Variants in ANK2 observed in about 807,000 individuals in gnomAD.
ANK2 encodes the protein ankyrin 2.
ANK2 carries 83 observed loss-of-function variants against 360.5 expected under a neutral mutation model. The observed-to-expected ratio is 0.23, with a 90% confidence interval of 0.19 to 0.28. The LOEUF is 0.28. ANK2 is among the 10% of genes least tolerant of loss of function. ANK2 has a pLI of 1.00. For synonymous variants in ANK2, 1,740 were observed against 1,759.5 expected (o/e 0.99, Z 0.28); for missense variants, 4,201 against 4,795.7 (o/e 0.88, Z 3.66).
chr4:112,877,012 C>T (rs751458543), intron 1 of ANK2, among the ~76,000 whole-genome samples: 26 of 152,176 alleles, frequency 1.7e-4, no homozygotes, highest in Non-Finnish European at 5.9e-5. Context: ...GAGCAGATGA[C>T]TTTCTCCCCC....
intron 2 of ANK2, among the ~76,000 whole-genome samples, chr4:113,040,471 C>T (rs2062682719): frequency 1.3e-5 from 2 of 151,916 alleles, no homozygotes; most frequent in Non-Finnish European, 2.9e-5. Flanking sequence ...CAAGCAGGTC[C>T]CTAAACAATT....
chr4:112,798,095 T>A, the ANK2 span: 1 of 155,874 alleles, frequency 6.4e-6, no homozygotes, highest in East Asian at 1.9e-4. Context: ...AAAGTTTCTT[T>A]TGGTCCCTGG....
chr4:112,806,768 T>C, the ANK2 span, among the ~76,000 whole-genome samples: 1 of 152,106 alleles, frequency 6.6e-6, no homozygotes, highest in Non-Finnish European at 1.5e-5. Context: ...GAGGCTGAGG[T>C]TGCAGTGAGC....
chr4:112,833,253 G>A (rs542807676), intron 1 of ANK2, among the ~76,000 whole-genome samples: 1 of 152,320 alleles, frequency 6.6e-6, no homozygotes, highest in Non-Finnish European at 1.5e-5. Context: ...GAAATAATAC[G>A]CTGAAATGCC....
intron 14 of ANK2, among the ~76,000 whole-genome samples, chr4:113,267,927 GA>G (rs2153666128): frequency 6.6e-6 from 1 of 152,168 alleles, no homozygotes; most frequent in Admixed American, 6.5e-5. Flanking sequence ...TTATTTCCTT[GA>G]GCAGTGGTCT....
At chr4:112,937,175 C>G (rs927063681) in intron 2 of ANK2, among the ~76,000 whole-genome samples, 2 of 152,060 alleles carry the variant, frequency 1.3e-5, no homozygotes, top group Non-Finnish European at 2.9e-5. Context: ...AGTATCCTAG[C>G]AGGGGATCGA....
At chr4:112,891,670 A>G (rs749989063) in intron 1 of ANK2, among the ~76,000 whole-genome samples, 2 of 152,182 alleles carry the variant, frequency 1.3e-5, no homozygotes, top group Non-Finnish European at 2.9e-5. Flanking sequence ...TTCCCTGTAT[A>G]TAAAATAAAA....
intron 1 of ANK2, among the ~76,000 whole-genome samples, chr4:113,132,249 T>C (rs1288972392): frequency 6.6e-6 from 1 of 152,170 alleles, no homozygotes; most frequent in Admixed American, 6.5e-5. Flanking sequence ...GACATATTTA[T>C]CTGTATTCTA....
chr4:112,772,282 A>G, the ANK2 span, among the ~76,000 whole-genome samples: 16 of 152,336 alleles, frequency 1.1e-4, no homozygotes, highest in East Asian at 2.9e-3. Flanking sequence ...ACCAAGTGAA[A>G]TAAGTTTCCC....
At chr4:112,921,057 T>G (rs2091350543) in intron 2 of ANK2, among the ~76,000 whole-genome samples, 1 of 150,734 alleles carries the variant, frequency 6.6e-6, no homozygotes, top group Non-Finnish European at 1.5e-5. Context: ...TTTCTCTTTT[T>G]TTTTTTTTTT....
the ANK2 span, among the ~76,000 whole-genome samples, chr4:112,766,502 G>C: frequency 6.6e-6 from 1 of 152,102 alleles, no homozygotes; most frequent in Non-Finnish European, 1.5e-5. Context: ...AGGGGTATCT[G>C]CCTTCAGAAA....
At chr4:113,365,327 C>T in intron 41 of ANK2, 145 bp downstream of exon 41, 1 of 857,634 alleles carries the variant, frequency 1.2e-6, no homozygotes, top group East Asian at 2.7e-5. Flanking sequence ...ATGTTCTTTT[C>T]CTTGCTACCC....
At chr4:112,845,858 T>TGG (rs2063173309) in intron 1 of ANK2, among the ~76,000 whole-genome samples, 1 of 152,234 alleles carries the variant, frequency 6.6e-6, no homozygotes, top group Non-Finnish European at 1.5e-5. Context: ...TCGGTGGTTC[T>TGG]GGGGTAGGAT....
chr4:112,863,654 C>G (rs1038300623), intron 1 of ANK2, among the ~76,000 whole-genome samples: 12 of 151,440 alleles, frequency 7.9e-5, no homozygotes, highest in Admixed American at 2.0e-4. Context: ...TCCCTAGTAG[C>G]CGGGACTGCA....
intron 2 of ANK2, among the ~76,000 whole-genome samples, chr4:113,002,002 TTTTA>T (rs140994396): frequency 2.0e-5 from 3 of 150,902 alleles, no homozygotes; most frequent in East Asian, 2.0e-4. Flanking sequence ...CATCCGTTTC[TTTTA>T]TTTATTTATT....
the ANK2 span, among the ~76,000 whole-genome samples, chr4:112,783,154 C>T: frequency 6.6e-6 from 1 of 152,124 alleles, no homozygotes; most frequent in Non-Finnish European, 1.5e-5. Context: ...GTGATTCCCC[C>T]CGCATTGGCC....
chr4:112,936,566 G>A (rs56959215), intron 2 of ANK2, among the ~76,000 whole-genome samples: 6,692 of 152,044 alleles, frequency 0.044, 500 homozygotes, highest in East Asian at 0.31. Flanking sequence ...GGCTGGTCTC[G>A]AACTCCAGAC....
At position 112,878,334 on chromosome 4, in the gene ANK2, ATT is replaced by A. The variant is rs2075740286; in HGVS notation, c.-39-26117_-39-26116del. Among the ~76,000 whole-genome samples, 3 of 151,168 alleles carry A rather than the reference ATT, an allele frequency of 2.0e-5. No individual in the cohort carries two copies. In the South Asian group the frequency reaches 6.3e-4, roughly 32 times the overall value. ...GTTTATTTATTTAATTTATTTTTTC[ATT>A]TTTCTTTGAGATGGAGTTTTGCTCT... On this transcript the variant is annotated intron_variant, in intron 1 of 30. Transcript: ENST00000503271.
chr4:113,065,855 G>T (rs1421328764), intron 1 of ANK2, among the ~76,000 whole-genome samples: 1 of 152,156 alleles, frequency 6.6e-6, no homozygotes, highest in African/African-American at 2.4e-5. Context: ...ATTGCTTCAT[G>T]AGAACTTGTC....
Sources: allele counts gnomAD v4.1 joint callset (sites outside exome capture counted in the v4.1 genomes callset), GRCh38; gene constraint gnomAD v4.1.1; transcripts MANE v1.5; gene names NCBI Gene and HGNC (gene_info 2026-07-23, HGNC 2026-07-21).